The following KCNK1 variants were observed in gnomAD, a reference collection of about 807,000 sequenced individuals.
KCNK1 encodes the protein potassium channel subfamily K member 1.
In KCNK1, 10 loss-of-function variants were observed where a neutral mutation model predicts 22.2. That is an observed-to-expected ratio of 0.45 (90% confidence interval 0.28 to 0.76). The LOEUF is 0.76. Among genes scored for constraint, KCNK1 ranks in the 30% least tolerant of loss-of-function variants. The pLI, the probability that KCNK1 is intolerant of heterozygous loss-of-function variation, is 0.14. For synonymous variants in KCNK1, 200 were observed against 186.4 expected (o/e 1.07, Z -0.60); for missense variants, 378 against 421.0 (o/e 0.90, Z 0.89).
intron 1 of KCNK1, among the ~76,000 whole-genome samples, chr1:233,616,642 T>C (rs115569131): frequency 0.023 from 3,454 of 152,362 alleles, 57 homozygotes; most frequent in Non-Finnish European, 0.031. Context: ...CAATGAATTC[T>C]TGTTATATGA....
At chr1:233,627,419 A>C (rs938721929) in intron 1 of KCNK1, among the ~76,000 whole-genome samples, 1 of 152,212 alleles carries the variant, frequency 6.6e-6, no homozygotes, top group Non-Finnish European at 1.5e-5. Flanking sequence ...AGATGGATTA[A>C]GTTAATTAAA....
intron 1 of KCNK1, among the ~76,000 whole-genome samples, chr1:233,626,470 G>C (rs761971999): frequency 6.6e-6 from 1 of 152,168 alleles, no homozygotes; most frequent in Non-Finnish European, 1.5e-5. Context: ...CACTCGGAGT[G>C]TAGGTGACAG....
At chr1:233,626,138 C>T (rs142621490) in intron 1 of KCNK1, among the ~76,000 whole-genome samples, 1,721 of 151,942 alleles carry the variant, frequency 0.011, 32 homozygotes, top group African/African-American at 0.038. Flanking sequence ...CGATGCCTCT[C>T]GGTGACTCAG....
intron 1 of KCNK1, among the ~76,000 whole-genome samples, chr1:233,623,971 T>A (rs540367855): frequency 6.6e-6 from 1 of 152,344 alleles, no homozygotes; most frequent in South Asian, 2.1e-4. Flanking sequence ...GTAGAATGTT[T>A]CTAAGGGATT....
Position 233,620,585 on chromosome 1 carries a change from A to G in KCNK1, c.355+6059A>G, listed in dbSNP as rs1256669244. 2.0e-5 allele frequency among the ~76,000 whole-genome samples: 3 copies of G among 152,206 alleles called. No homozygotes were observed. The East Asian group carries it at 5.8e-4, about 29-fold the overall frequency. The stretch of plus-strand genomic sequence containing the variant: ...ATCTAAAATGTGCAATAAATACTAA[A>G]TTATATCTACTATAGAATTTACATA... On this transcript the variant is annotated intron_variant, in intron 1 of 2. Coordinates refer to ENST00000366621, the MANE Select transcript of KCNK1 (RefSeq NM_002245.4).
chr1:233,660,533 ACT>A (rs1658371703), intron 1 of KCNK1: 2 of 151,944 alleles, frequency 1.3e-5, no homozygotes, highest in African/African-American at 4.8e-5. Context: ...GTGGCTCCAA[ACT>A]CTATTTCAAG....
intron 1 of KCNK1, among the ~76,000 whole-genome samples, chr1:233,648,638 C>T (rs535561845): frequency 1.3e-5 from 2 of 151,770 alleles, no homozygotes; most frequent in Non-Finnish European, 2.9e-5. Context: ...GATCTTGGTT[C>T]ACTGGGCAAC....
intron 1 of KCNK1, among the ~76,000 whole-genome samples, chr1:233,626,073 T>C (rs1460183237): frequency 1.3e-5 from 2 of 151,744 alleles, no homozygotes; most frequent in Non-Finnish European, 2.9e-5. Context: ...AGGGCAAGGC[T>C]GAGGCTGAGA....
intron 1 of KCNK1, among the ~76,000 whole-genome samples, chr1:233,654,218 G>A (rs142927310): frequency 7.2e-5 from 11 of 152,004 alleles, no homozygotes; most frequent in Non-Finnish European, 1.6e-4. Flanking sequence ...GAAAGGGAAG[G>A]GAGAGCATCA....
chr1:233,647,960 A>G (rs1658127092), intron 1 of KCNK1, among the ~76,000 whole-genome samples: 1 of 152,114 alleles, frequency 6.6e-6, no homozygotes, highest in African/African-American at 2.4e-5. Flanking sequence ...TCCTCCATCC[A>G]TTTGGCCCCT....
intron 1 of KCNK1, among the ~76,000 whole-genome samples, chr1:233,620,792 G>T (rs1344519383): frequency 2.0e-5 from 3 of 151,458 alleles, no homozygotes; most frequent in Non-Finnish European, 4.4e-5. Flanking sequence ...ACAGCTATGG[G>T]GAAATAGACA....
At chr1:233,655,061 G>T (rs1372560353) in intron 1 of KCNK1, among the ~76,000 whole-genome samples, 1 of 152,198 alleles carries the variant, frequency 6.6e-6, no homozygotes, top group African/African-American at 2.4e-5. Context: ...AGGGCACAGA[G>T]CAACCTTTGG....
intron 1 of KCNK1, among the ~76,000 whole-genome samples, chr1:233,620,862 T>C (rs576404874): frequency 6.6e-6 from 1 of 152,346 alleles, no homozygotes; most frequent in South Asian, 2.1e-4. Context: ...TATTTTAAAA[T>C]AACATCTTTA....
intron 1 of KCNK1, among the ~76,000 whole-genome samples, chr1:233,653,768 A>T (rs1482638135): frequency 1.3e-5 from 2 of 151,932 alleles, no homozygotes; most frequent in Non-Finnish European, 2.9e-5. Flanking sequence ...ATGCCAAGGG[A>T]CTTGCTGGCT....
At chr1:233,617,123 G>T (rs1657500539) in intron 1 of KCNK1, among the ~76,000 whole-genome samples, 1 of 151,776 alleles carries the variant, frequency 6.6e-6, no homozygotes, top group South Asian at 2.1e-4. Context: ...TAATTAATCA[G>T]TACAGTCAAT....
At chr1:233,617,243 C>T (rs1222850735) in intron 1 of KCNK1, among the ~76,000 whole-genome samples, 1 of 152,152 alleles carries the variant, frequency 6.6e-6, no homozygotes, top group East Asian at 1.9e-4. Context: ...CTTCTCACCC[C>T]AGAATGTACA....
intron 1 of KCNK1, among the ~76,000 whole-genome samples, chr1:233,657,704 TAAA>T (rs35517006): frequency 0.17 from 24,843 of 150,086 alleles, 2,193 homozygotes; most frequent in Admixed American, 0.24. Flanking sequence ...GAAAGAGAAA[TAAA>T]GAAAGAAAGA....
At chr1:233,664,456 G>A (rs758976733) in intron 1 of KCNK1, among the ~76,000 whole-genome samples, 23 of 152,090 alleles carry the variant, frequency 1.5e-4, no homozygotes, top group African/African-American at 3.6e-4. Flanking sequence ...ATTAGTCACC[G>A]CATTCCAGGA....
At chr1:233,646,983 C>T (rs952326487) in intron 1 of KCNK1, among the ~76,000 whole-genome samples, 1 of 152,192 alleles carries the variant, frequency 6.6e-6, no homozygotes, top group Non-Finnish European at 1.5e-5. Flanking sequence ...AAACTCGAAG[C>T]AGTGAGTGAC....
Sources: allele counts gnomAD v4.1 joint callset (sites outside exome capture counted in the v4.1 genomes callset), GRCh38; gene constraint gnomAD v4.1.1; transcripts MANE v1.5; gene names NCBI Gene and HGNC (gene_info 2026-07-23, HGNC 2026-07-21).